The following SCRN3 variants were observed in gnomAD, a reference collection of about 807,000 sequenced individuals.
SCRN3 encodes secernin 3.
SCRN3 carries 39 observed loss-of-function variants against 43.1 expected under a neutral mutation model. That is an observed-to-expected ratio of 0.91 (90% CI 0.70 to 1.18). SCRN3 has a LOEUF of 1.18. SCRN3 is among the 50% of genes most tolerant of loss of function. The probability of loss-of-function intolerance (pLI) is 0.00; values close to 1 mark genes in which losing one functional copy is unlikely to be tolerated. For synonymous variants in SCRN3, 147 were observed against 163.1 expected (o/e 0.90, Z 0.75); for missense variants, 484 against 498.0 (o/e 0.97, Z 0.27).
chr2:174,398,035 G>T (rs892132530), intron 1 of SCRN3, among the ~76,000 whole-genome samples: 1 of 152,112 alleles, frequency 6.6e-6, no homozygotes, highest in Non-Finnish European at 1.5e-5. Flanking sequence ...GGCAGAAGGG[G>T]GAGGATCTCC....
At chr2:174,423,080 G>A in intron 6 of SCRN3, 33 bp downstream of exon 6, 1 of 1,583,588 alleles carries the variant, frequency 6.3e-7, no homozygotes, top group Non-Finnish European at 8.6e-7. Flanking sequence ...ACCAGCAAGG[G>A]GTCAGGGGAT....
chr2:174,404,158 A>G lies in SCRN3; in HGVS notation c.597A>G (p.Glu199=). The G allele has an allele frequency of 1.2e-6, 2 of 1,613,832 alleles. No homozygotes were observed. Among genetic ancestry groups the G allele is most frequent in the South Asian group, 2.2e-5 (2 of 91,072 alleles). ...QLSITTKIAR[E]HPDMRNYAKR... ...CCATAACAACCAAGATTGCCCGGGA[A>G]CACCCAGACATGAGAAACTATGCTA... The change falls in exon 5 of 8, where the codon GAA becomes GAG. Residue 199 remains glutamate, a synonymous_variant. Coordinates refer to ENST00000272732, the MANE Select transcript of SCRN3 (RefSeq NM_024583.5).
intron 5 of SCRN3, among the ~76,000 whole-genome samples, chr2:174,418,418 G>A (rs1027840839): frequency 1.3e-5 from 2 of 152,124 alleles, no homozygotes; most frequent in African/African-American, 4.8e-5. Flanking sequence ...TGTGCTGCAT[G>A]TATATCCAAA....
In SCRN3 at chr2:174,423,003, C is replaced by G. The variant is rs1308515783; in HGVS notation, c.873C>G (p.Ser291Arg). ...TTTCTATTTTACCTCAAGACTCCAG[C>G]CTTCCTTGCATTCACTTCTTTACAG... ...SMVSILPQDS[S>R]LPCIHFFTGT... The change falls in exon 6 of 8, where the codon AGC (serine) becomes AGG (arginine). Residue 291 changes from serine (S) to arginine (R), a missense_variant. Physicochemically the swap from Ser to Arg is moderately radical, Grantham distance 110. Transcript: ENST00000272732. 9.3e-6 allele frequency: 15 copies of G among 1,613,576 alleles called. No individual in the cohort carries two copies. In the East Asian group the frequency reaches 3.1e-4, roughly 34 times the overall value.
intron 5 of SCRN3, among the ~76,000 whole-genome samples, chr2:174,416,100 G>A (rs924732617): frequency 2.0e-5 from 3 of 152,178 alleles, no homozygotes; most frequent in Non-Finnish European, 2.9e-5. Context: ...GTACAGGATG[G>A]CTTGGTCTGG....
intron 2 of SCRN3, among the ~76,000 whole-genome samples, chr2:174,399,526 A>G (rs1324968631): frequency 1.3e-5 from 2 of 152,254 alleles, no homozygotes; most frequent in African/African-American, 2.4e-5. Context: ...TCAAGATATT[A>G]CAGCTAGAGA....
At chr2:174,396,249 C>T (rs1685303855) in intron 1 of SCRN3, 1 of 982,782 alleles carries the variant, frequency 1.0e-6, no homozygotes, top group Non-Finnish European at 1.2e-6. Flanking sequence ...CGCCGAAAGA[C>T]GTTCAATAAA....
chr2:174,397,376 C>G, intron 1 of SCRN3: 1 of 968,592 alleles, frequency 1.0e-6, no homozygotes, highest in Non-Finnish European at 1.2e-6. Context: ...AAGTGAAGAT[C>G]TAAGATTTTC....
chr2:174,402,340 T>C (rs11677006), intron 4 of SCRN3, among the ~76,000 whole-genome samples: 26,471 of 152,196 alleles, frequency 0.17, 2,966 homozygotes, highest in Middle Eastern at 0.3. Flanking sequence ...CTCTTTCTAT[T>C]ACTAACTAAG....
intron 1 of SCRN3, chr2:174,397,527 C>T: frequency 2.9e-6 from 1 of 348,640 alleles, no homozygotes; most frequent in Non-Finnish European, 4.0e-6. Context: ...GAGTCTGTTT[C>T]AAAATTTCAG....
chr2:174,396,319 C>G, intron 1 of SCRN3: 2 of 986,508 alleles, frequency 2.0e-6, no homozygotes, highest in South Asian at 4.7e-5. Context: ...GCTTCACCTC[C>G]TCAGTGGGCT....
intron 6 of SCRN3, among the ~76,000 whole-genome samples, chr2:174,423,687 T>C (rs1025727803): frequency 6.6e-6 from 1 of 152,000 alleles, no homozygotes; most frequent in Non-Finnish European, 1.5e-5. Context: ...GCCAGGATGG[T>C]CTTGATCTCC....
chr2:174,423,523 G>A (rs919780751), intron 6 of SCRN3, among the ~76,000 whole-genome samples: 3 of 152,130 alleles, frequency 2.0e-5, no homozygotes, highest in Non-Finnish European at 4.4e-5. Flanking sequence ...AGGTTGGAGT[G>A]CAATGGCATG....
At chr2:174,415,081 C>A (rs1361412214) in intron 5 of SCRN3, among the ~76,000 whole-genome samples, 1 of 152,044 alleles carries the variant, frequency 6.6e-6, no homozygotes, top group Non-Finnish European at 1.5e-5. Flanking sequence ...CCGCACCCAG[C>A]CCCATGACTA....
At chr2:174,415,552 A>G (rs185847411) in intron 5 of SCRN3, among the ~76,000 whole-genome samples, 1 of 152,230 alleles carries the variant, frequency 6.6e-6, no homozygotes, top group African/African-American at 2.4e-5. Flanking sequence ...CTTTATTTAG[A>G]TTACTGAGTG....
intron 5 of SCRN3, among the ~76,000 whole-genome samples, chr2:174,415,317 G>A (rs1305944249): frequency 1.3e-5 from 2 of 151,216 alleles, no homozygotes; most frequent in Non-Finnish European, 2.9e-5. Context: ...CACCTACTAT[G>A]TACCCACAAA....
downstream of SCRN3, among the ~76,000 whole-genome samples, chr2:174,429,780 T>C (rs966694731): frequency 6.6e-6 from 1 of 152,180 alleles, no homozygotes; most frequent in Admixed American, 6.5e-5. Context: ...TGCCTATTTA[T>C]CCCACCCTCC....
chr2:174,402,885 ATC>A (rs199554271), intron 4 of SCRN3, among the ~76,000 whole-genome samples: 1,725 of 152,100 alleles, frequency 0.011, 27 homozygotes, highest in Non-Finnish European at 0.015. Flanking sequence ...GTTTATCGTG[ATC>A]TGTTTCATTT....
intron 5 of SCRN3, among the ~76,000 whole-genome samples, chr2:174,415,705 CGT>C (rs1559080294): frequency 6.6e-6 from 1 of 152,100 alleles, no homozygotes; most frequent in African/African-American, 2.4e-5. Context: ...AGTGCAGTGG[CGT>C]AATCTCAGCT....
Sources: gnomAD v4.1 joint callset for allele counts (sites outside exome capture counted in the v4.1 genomes callset) on GRCh38, gnomAD v4.1.1 for gene constraint, MANE v1.5 for transcripts, NCBI Gene and HGNC (gene_info 2026-07-23, HGNC 2026-07-21) for gene names.